Variants in PCLO observed in about 807,000 individuals in gnomAD.
PCLO encodes the protein protein piccolo.
PCLO carries 82 observed loss-of-function variants against 427.5 expected under a neutral mutation model. That is an observed-to-expected ratio of 0.19 (90% confidence interval 0.16 to 0.23). The LOEUF (loss-of-function observed/expected upper bound fraction) is 0.23. Among genes scored for constraint, PCLO ranks in the 10% least tolerant of loss-of-function variants. The pLI is 1.00. For synonymous variants in PCLO, 2,357 were observed against 2,155.4 expected, an observed-to-expected ratio of 1.09 and a Z score of -2.59; for missense variants, 6,239 against 6,115.9, an observed-to-expected ratio of 1.02 and a Z score of -0.67.
intron 6 of PCLO, among the ~76,000 whole-genome samples, chr7:82,917,854 A>C (rs927521465): frequency 2.0e-5 from 3 of 152,026 alleles, no homozygotes; most frequent in African/African-American, 7.2e-5. Context: ...ATAAGAGTCT[A>C]TAAATATTGT....
chr7:83,078,267 C>T lies in PCLO; in HGVS notation c.3300+55983G>A, dbSNP rs188242736. Among the ~76,000 whole-genome samples the T allele has an allele frequency of 6.4e-4, 97 of 152,164 alleles. 1 individual carries two copies. Among genetic ancestry groups the T allele is most frequent in the Non-Finnish European group, 1.2e-3 (85 of 68,006 alleles). On this transcript the variant is annotated intron_variant, in intron 3 of 24. Transcript: ENST00000333891. ...TTGCTAGATACCAAAAGCACTCAAG[C>T]CTCACTCTCAAGGAGTTATTTTCAA... is the stretch of plus-strand genomic sequence containing the variant.
chr7:83,093,159 T>C (rs1398857569), intron 3 of PCLO, among the ~76,000 whole-genome samples: 1 of 151,730 alleles, frequency 6.6e-6, no homozygotes. Flanking sequence ...TGCAGAAAAA[T>C]ATTATTTCAC....
chr7:82,775,669 C>T (rs1562780626), intron 22 of PCLO, among the ~76,000 whole-genome samples: 1 of 152,064 alleles, frequency 6.6e-6, no homozygotes, highest in Non-Finnish European at 1.5e-5. Flanking sequence ...GTGGGGCTTA[C>T]AGTTTTATTC....
At position 82,954,990 on chromosome 7, in the gene PCLO, C is replaced by T. The variant is rs1795473292; in HGVS notation, c.5963G>A (p.Gly1988Glu). 2 of 1,613,778 alleles carry T rather than the reference C, an allele frequency of 1.2e-6. No individual in the cohort carries two copies. Among genetic ancestry groups the T allele is most frequent in the Admixed American group, 1.7e-5 (1 of 60,008 alleles). Reference sequence around the variant, plus strand: ...TGAAAGTCTTATCTTTTGCTCTCTTCCTTTCTGCTGCATAAATCCATTTTC... The same window carrying T: ...TGAAAGTCTTATCTTTTGCTCTCTTTCTTTCTGCTGCATAAATCCATTTTC... ...EEENGFMQQK[G>E]REQKIRLSEQ... Residue 1988 changes from glycine (G) to glutamate (E), a missense_variant, in exon 5 of 25, where the codon GGA becomes GAA. Physicochemically the swap from Gly to Glu is moderately conservative, Grantham distance 98. Coordinates refer to ENST00000333891, the MANE Select transcript of PCLO (RefSeq NM_033026.6).
At chr7:82,990,982 G>T (rs189275489) in intron 3 of PCLO, among the ~76,000 whole-genome samples, 111 of 152,148 alleles carry the variant, frequency 7.3e-4, no homozygotes, top group African/African-American at 2.5e-3. Flanking sequence ...TGAGCTAATA[G>T]ACCAGAAGTA....
intron 22 of PCLO, among the ~76,000 whole-genome samples, chr7:82,777,347 C>T (rs753195030): frequency 6.6e-6 from 1 of 152,056 alleles, no homozygotes; most frequent in South Asian, 2.1e-4. Flanking sequence ...TTTATAGATT[C>T]AATGCCATTC....
chr7:83,103,075 A>G (rs1790774265), intron 3 of PCLO, among the ~76,000 whole-genome samples: 1 of 151,894 alleles, frequency 6.6e-6, no homozygotes, highest in South Asian at 2.1e-4. Context: ...TGACAAGTAA[A>G]TATCATAGAG....
intron 9 of PCLO, 25 bp from the exon 10 acceptor site, chr7:82,879,487 T>C: frequency 6.6e-7 from 1 of 1,517,588 alleles, no homozygotes; most frequent in Non-Finnish European, 9.0e-7. Context: ...TAGCAAATTA[T>C]TAGTACTAAT....
intron 6 of PCLO, among the ~76,000 whole-genome samples, chr7:82,940,552 A>C (rs2116378970): frequency 6.6e-6 from 1 of 152,264 alleles, no homozygotes; most frequent in East Asian, 1.9e-4. Flanking sequence ...TTGGAAAGAA[A>C]GGAAGAGGGA....
In PCLO at chr7:82,956,650, T is replaced by A; in HGVS notation, c.4303A>T (p.Lys1435Ter). The A allele has an allele frequency of 6.2e-7, 1 of 1,613,972 alleles. No individual in the cohort carries two copies. The highest frequency in any genetic ancestry group is 8.5e-7 in the Non-Finnish European group (1 of 1,179,880). The change falls in exon 5 of 25, where the codon AAA becomes TAA. Residue 1435 changes from lysine (K) to a stop codon, truncating the protein, a stop_gained. Coordinates refer to ENST00000333891, the MANE Select transcript of PCLO (RefSeq NM_033026.6). LOFTEE classifies it high-confidence loss of function. The part of the protein sequence containing the change: ...STLADEKSEK[K>*]TQPHEVSPEQ... The stretch of plus-strand genomic sequence containing the variant: ...GGAGAAACTTCATGGGGTTGTGTTT[T>A]CTTTTCTGACTTTTCATCAGCAAGT...
intron 9 of PCLO, among the ~76,000 whole-genome samples, chr7:82,890,233 C>T (rs534152707): frequency 7.9e-5 from 12 of 152,060 alleles, no homozygotes; most frequent in Admixed American, 2.0e-4. Flanking sequence ...TGGGTAAATA[C>T]GTGTTCTCTA....
chr7:82,976,050 A>G (rs958450011), intron 3 of PCLO, among the ~76,000 whole-genome samples: 1 of 152,168 alleles, frequency 6.6e-6, no homozygotes, highest in Non-Finnish European at 1.5e-5. Flanking sequence ...ATCACAGGAA[A>G]TATTTTGTAT....
Position 83,134,895 on chromosome 7 carries a change from A to T in PCLO, c.2655T>A (p.Ala885=). The T allele has an allele frequency of 2.5e-6, 4 of 1,602,210 alleles. No individual in the cohort carries two copies. The highest frequency in any genetic ancestry group is 3.4e-6 in the Non-Finnish European group (4 of 1,174,184). The change falls in exon 3 of 25, where the codon GCT becomes GCA. Residue 885 remains alanine (A), a synonymous_variant. Coordinates refer to ENST00000333891, the MANE Select transcript of PCLO (RefSeq NM_033026.6). ...GTTGAGGTGTGGGGACAGTTTGGCC[A>T]GCGGTAGGTCGTGGGCCAGGGGGTG... ...SPTPPGPRPT[A]GQTVPTPQQS...
intron 22 of PCLO, among the ~76,000 whole-genome samples, chr7:82,766,626 T>C (rs1043285528): frequency 2.0e-5 from 3 of 152,112 alleles, no homozygotes; most frequent in African/African-American, 4.8e-5. Context: ...ATGATCATGA[T>C]GAAATAGAAC....
chr7:82,878,919 G>A (rs76263572), intron 10 of PCLO, among the ~76,000 whole-genome samples: 3,190 of 152,244 alleles, frequency 0.021, 55 homozygotes, highest in Non-Finnish European at 0.034. Context: ...GCAGCAGATG[G>A]ATAAAGCCTG....
rs1230242017 is a variant in PCLO, at chr7:82,754,529, T to C, written c.*4046A>G. 1.3e-5 allele frequency: 2 copies of C among 152,090 alleles called. No individual in the cohort carries two copies. Among genetic ancestry groups the C allele is most frequent in the Non-Finnish European group, 2.9e-5 (2 of 67,952 alleles). The allele number at this position is 152,090 out of a possible 1,614,324, so 9.4% of individuals were successfully genotyped here. On this transcript the variant is annotated 3_prime_UTR_variant, in exon 25 of 25. Transcript: ENST00000333891. ...TCAAACAATAATCATATTCACATGC[T>C]AAATGCCAAATGAAATTAATATTTC...
Position 82,915,308 on chromosome 7 carries a change from A to C in PCLO, c.12678T>G (p.Ser4226=). Residue 4226 remains serine (S), a synonymous_variant, in exon 7 of 25, where the codon TCT becomes TCG. Coordinates refer to ENST00000333891, the MANE Select transcript of PCLO (RefSeq NM_033026.6). ...TTGCCCTGGAGGAAATGCCACCAATAGATGAAGTGCTAGAAGTCATATAGC... is the reference window on the plus strand; with the variant it reads ...TTGCCCTGGAGGAAATGCCACCAATCGATGAAGTGCTAGAAGTCATATAGC... ...YSSYMTSSTS[S]IGGISSRARL... 1.2e-6 allele frequency: 2 copies of C among 1,613,668 alleles called. No individual in the cohort carries two copies. The highest frequency in any genetic ancestry group is 2.2e-5 in the South Asian group (2 of 91,088).
chr7:82,945,546 A>C (rs1584193796), intron 6 of PCLO, among the ~76,000 whole-genome samples: 4 of 152,172 alleles, frequency 2.6e-5, no homozygotes, highest in Admixed American at 6.5e-5. Context: ...TATAAAAGGG[A>C]AATTTGGGAA....
intron 16 of PCLO, among the ~76,000 whole-genome samples, chr7:82,832,204 T>C (rs1257652848): frequency 6.6e-6 from 1 of 152,168 alleles, no homozygotes; most frequent in Non-Finnish European, 1.5e-5. Context: ...ATGGTGCTTA[T>C]CAAAAAATAT....
Sources: allele counts gnomAD v4.1 joint callset (sites outside exome capture counted in the v4.1 genomes callset), GRCh38; gene constraint gnomAD v4.1.1; transcripts MANE v1.5; gene names NCBI Gene and HGNC (gene_info 2026-07-23, HGNC 2026-07-21).